FGF12: variants seen among roughly 807,000 people sequenced by gnomAD.
FGF12 encodes the protein fibroblast growth factor 12B.
FGF12 carries 14 observed loss-of-function variants against 23.6 expected under a neutral mutation model. The ratio of observed to expected loss-of-function variants is 0.59; its 90% CI spans 0.39 to 0.93. FGF12 has a LOEUF of 0.93. FGF12 is among the 40% of genes least tolerant of loss of function. FGF12 has a pLI of 0.00. For missense variants in FGF12, 175 were observed against 217.8 expected, an observed-to-expected ratio of 0.80 and a Z score of 1.24; for synonymous variants, 62 against 77.3, an observed-to-expected ratio of 0.80 and a Z score of 1.04.
chr3:192,489,712 A>G (rs756812852), intron 2 of FGF12, among the ~76,000 whole-genome samples: 3 of 152,010 alleles, frequency 2.0e-5, no homozygotes, highest in Non-Finnish European at 4.4e-5. Flanking sequence ...CTGGAACTGC[A>G]ACAACTATCT....
chr3:192,650,660 T>G (rs1304636605), intron 2 of FGF12, among the ~76,000 whole-genome samples: 3 of 152,204 alleles, frequency 2.0e-5, no homozygotes, highest in Non-Finnish European at 4.4e-5. Flanking sequence ...TATTAGCAAT[T>G]AGCACAGTTC....
intron 2 of FGF12, among the ~76,000 whole-genome samples, chr3:192,461,703 A>T (rs1198610170): frequency 6.6e-6 from 1 of 152,100 alleles, no homozygotes; most frequent in Non-Finnish European, 1.5e-5. Context: ...AATCATTATT[A>T]CTTGGCCAGG....
intron 2 of FGF12, among the ~76,000 whole-genome samples, chr3:192,722,721 T>C (rs11919327): frequency 0.26 from 38,954 of 152,018 alleles, 5,756 homozygotes; most frequent in African/African-American, 0.39. Flanking sequence ...GAATCCCTAC[T>C]ATGCAAACTT....
At chr3:192,343,641 A>G (rs1160280625) in intron 3 of FGF12, among the ~76,000 whole-genome samples, 2 of 152,134 alleles carry the variant, frequency 1.3e-5, no homozygotes, top group Admixed American at 6.6e-5. Flanking sequence ...CTTCCAATAC[A>G]AAAGTGGTTA....
chr3:192,359,693 T>C lies in FGF12; in HGVS notation c.124+735A>G, dbSNP rs927339402. On this transcript the variant is annotated intron_variant, in intron 3 of 5. Coordinates refer to ENST00000445105, the MANE Select transcript of FGF12 (RefSeq NM_004113.6). ...ATTCATTTTGTCATACCGTGATGAT[T>C]GCATTTAATTTTTTAACTTGTCAAC... Among the ~76,000 whole-genome samples, 6 of 152,142 alleles carry C rather than the reference T, an allele frequency of 3.9e-5. No individual in the cohort carries two copies. In the South Asian group the frequency reaches 1.0e-3, roughly 26 times the overall value.
At chr3:192,380,594 T>G (rs1719773512) in intron 2 of FGF12, among the ~76,000 whole-genome samples, 1 of 152,152 alleles carries the variant, frequency 6.6e-6, no homozygotes, top group Non-Finnish European at 1.5e-5. Context: ...TCAGAAATAG[T>G]GTTTATGTAC....
At chr3:192,267,741 A>G (rs1442333201) in intron 4 of FGF12, among the ~76,000 whole-genome samples, 1 of 152,220 alleles carries the variant, frequency 6.6e-6, no homozygotes, top group Non-Finnish European at 1.5e-5. Flanking sequence ...AATTTGCTGT[A>G]TAATTTCCCT....
At chr3:192,561,627 G>A (rs1030332837) in intron 2 of FGF12, among the ~76,000 whole-genome samples, 13 of 152,180 alleles carry the variant, frequency 8.5e-5, no homozygotes, top group Non-Finnish European at 1.6e-4. Flanking sequence ...CTCCCAAAGT[G>A]CTGGGATTAC....
chr3:192,206,480 G>T (rs1450656381), intron 4 of FGF12, among the ~76,000 whole-genome samples: 2 of 152,268 alleles, frequency 1.3e-5, no homozygotes, highest in Middle Eastern at 3.4e-3. Context: ...AAAACAAAGC[G>T]TAATAGGTTC....
intron 4 of FGF12, among the ~76,000 whole-genome samples, chr3:192,250,138 A>G (rs925543664): frequency 3.9e-5 from 6 of 152,182 alleles, no homozygotes; most frequent in Admixed American, 1.3e-4. Context: ...TTCAAATAAC[A>G]TTTATATTAA....
intron 4 of FGF12, among the ~76,000 whole-genome samples, chr3:192,300,787 G>A (rs564859604): frequency 2.0e-5 from 3 of 152,056 alleles, no homozygotes; most frequent in South Asian, 2.1e-4. Context: ...GAGGCCAAGG[G>A]GGGCTGAGCA....
chr3:192,464,082 C>T (rs1722938877), intron 2 of FGF12, among the ~76,000 whole-genome samples: 1 of 152,120 alleles, frequency 6.6e-6, no homozygotes, highest in Non-Finnish European at 1.5e-5. Flanking sequence ...CTTAGAGATT[C>T]CAATTACACT....
intron 2 of FGF12, chr3:192,517,096 G>A (rs1383863477): frequency 2.0e-5 from 3 of 152,224 alleles, no homozygotes; most frequent in African/African-American, 7.2e-5. Context: ...AATAGCAAAT[G>A]AACAGGACAA....
At chr3:192,692,926 C>T (rs1353864577) in intron 2 of FGF12, among the ~76,000 whole-genome samples, 1 of 151,708 alleles carries the variant, frequency 6.6e-6, no homozygotes, top group Non-Finnish European at 1.5e-5. Context: ...CTACTCTCAC[C>T]ACTTCTATTC....
chr3:192,536,104 A>G (rs954212047), intron 2 of FGF12, among the ~76,000 whole-genome samples: 1 of 152,200 alleles, frequency 6.6e-6, no homozygotes, highest in African/African-American at 2.4e-5. Flanking sequence ...ACCACGCTCA[A>G]CGGTCTAGAA....
intron 2 of FGF12, among the ~76,000 whole-genome samples, chr3:192,494,030 C>A (rs1723878412): frequency 6.6e-6 from 1 of 152,146 alleles, no homozygotes; most frequent in Non-Finnish European, 1.5e-5. Flanking sequence ...AGAGATTTAT[C>A]TAAACACTTC....
At chr3:192,227,580 T>TAAAAAAAAAAAAAAAAAAAAAAAAAA (rs778525112) in intron 4 of FGF12, among the ~76,000 whole-genome samples, 1 of 60,278 alleles carries the variant, frequency 1.7e-5, no homozygotes. Context: ...GAACTTAAAG[T>TAAAAAAAAAAAAAAAAAAAAAAAAAA]AAAAAAAAAA....
At chr3:192,528,148 C>T (rs1724996857) in intron 2 of FGF12, among the ~76,000 whole-genome samples, 1 of 152,170 alleles carries the variant, frequency 6.6e-6, no homozygotes, top group Admixed American at 6.6e-5. Flanking sequence ...ACTCAAAAGT[C>T]CACAGTCCAA....
chr3:192,140,188 T>G lies in FGF12; in HGVS notation c.*3821A>C, dbSNP rs908083418. On this transcript the variant is annotated 3_prime_UTR_variant, in exon 6 of 6. Transcript: ENST00000445105. ...TAAAAACTCATATAATATATCCTTA[T>G]TTCAGAAGCATATGTATATATACAC... 12 of 152,094 alleles carry G rather than the reference T, an allele frequency of 7.9e-5. No individual in the cohort carries two copies. The highest frequency in any genetic ancestry group is 2.9e-4 in the African/African-American group (12 of 41,450). 9.4% of individuals were successfully genotyped at this position (152,094 alleles called of 1,614,324 possible). A position where few individuals can be genotyped will look rare whatever the true frequency, so the allele number is the denominator to read the frequency against.
Sources: gnomAD v4.1 joint callset for allele counts (sites outside exome capture counted in the v4.1 genomes callset) on GRCh38, gnomAD v4.1.1 for gene constraint, MANE v1.5 for transcripts, NCBI Gene and HGNC (gene_info 2026-07-23, HGNC 2026-07-21) for gene names.